CCDC125: variants seen among roughly 807,000 people sequenced by gnomAD.
CCDC125 encodes coiled-coil domain-containing protein 125.
Under a neutral mutation model 57.4 loss-of-function variants are expected in CCDC125, and 43 were observed. The observed-to-expected ratio is 0.75, with a 90% CI of 0.59 to 0.97. The LOEUF (loss-of-function observed/expected upper bound fraction) is 0.97, where lower values mean the gene tolerates loss of function less well. CCDC125 is among the 50% of genes least tolerant of loss of function. The pLI, the probability that CCDC125 is intolerant of heterozygous loss-of-function variation, is 0.00. For synonymous variants in CCDC125, 187 were observed against 195.2 expected (o/e 0.96, Z 0.35); for missense variants, 563 against 595.7 (o/e 0.95, Z 0.57).
At chr5:69,273,147 A>G in the CCDC125 span, 1 of 801,768 alleles carries the variant, frequency 1.2e-6, no homozygotes, top group Non-Finnish European at 1.9e-6. Flanking sequence ...AATACTGGAA[A>G]GATGTGTTTT....
intron 4 of CCDC125, 49 bp downstream of exon 4, chr5:69,311,069 A>G (rs1758051216): frequency 3.2e-6 from 4 of 1,260,434 alleles, no homozygotes; most frequent in Non-Finnish European, 4.6e-6. Flanking sequence ...CCATACCAAC[A>G]TTATTATTGG....
chr5:69,307,803 T>A, intron 5 of CCDC125, 148 bp downstream of exon 5: 1 of 629,090 alleles, frequency 1.6e-6, no homozygotes, highest in South Asian at 1.9e-5. Context: ...TTTTAGATTG[T>A]AAACTCCAAA....
rs1299800505 is a variant in CCDC125, at chr5:69,303,843, T to TTAG, written c.700+3_700+4insCTA. On this transcript the variant is annotated splice_donor_region_variant and intron_variant, in intron 7 of 11. Transcript: ENST00000396496. ...TGTGCTCTTAATACAAAAATCATCATTACCTGCATTGTCAGACTTCAGCAT... is the reference window on the plus strand; with the variant it reads ...TGTGCTCTTAATACAAAAATCATCATTAGTACCTGCATTGTCAGACTTCAGCAT... 6.5e-7 allele frequency: 1 copy of TTAG among 1,543,778 alleles called. No homozygotes were observed. The highest frequency in any genetic ancestry group is 1.4e-5 in the African/African-American group (1 of 73,052).
chr5:69,329,763 A>G (rs913933955), intron 1 of CCDC125, among the ~76,000 whole-genome samples: 2 of 152,062 alleles, frequency 1.3e-5, no homozygotes, highest in African/African-American at 4.8e-5. Flanking sequence ...TCGGCCTCCC[A>G]AAGTGCTGGG....
intron 7 of CCDC125, among the ~76,000 whole-genome samples, chr5:69,300,533 T>G (rs1756222408): frequency 6.6e-6 from 1 of 152,198 alleles, no homozygotes; most frequent in Non-Finnish European, 1.5e-5. Context: ...CAGGTTTTTG[T>G]ATTAGGAGTT....
intron 3 of CCDC125, chr5:69,313,642 C>G: frequency 1.3e-6 from 1 of 741,248 alleles, no homozygotes; most frequent in Non-Finnish European, 2.5e-6. Flanking sequence ...CAATCCTTAT[C>G]CGGTAGCATC....
Position 69,297,804 on chromosome 5 carries a change from TA to T in CCDC125, c.816+2207del, listed in dbSNP as rs990941202. ...CATGAGACCCTGTCTCTACAAAAAA[TA>T]AAAAAAAAACATTAGCTGGGTATGA... On this transcript the variant is annotated intron_variant, in intron 8 of 11. Transcript: ENST00000396496. Among the ~76,000 whole-genome samples the T allele has an allele frequency of 9.7e-5, 14 of 144,230 alleles. No homozygotes were observed. In the East Asian group the frequency reaches 1.3e-3, roughly 13 times the overall value. 94.6% of individuals were successfully genotyped at this position (144,230 alleles called of 152,430 possible).
chr5:69,313,197 G>A (rs1758441788), intron 3 of CCDC125, among the ~76,000 whole-genome samples: 1 of 152,198 alleles, frequency 6.6e-6, no homozygotes, highest in African/African-American at 2.4e-5. Flanking sequence ...AGGGATGGAG[G>A]GAGGAGGAAA....
At position 69,297,611 on chromosome 5, in the gene CCDC125, G is replaced by A. The variant is rs560579001; in HGVS notation, c.816+2401C>T. Among the ~76,000 whole-genome samples, 163 of 151,704 alleles carry A rather than the reference G, an allele frequency of 1.1e-3. 1 individual carries two copies. In the Middle Eastern group the frequency reaches 0.017, roughly 16 times the overall value. On this transcript the variant is annotated intron_variant, in intron 8 of 11. Coordinates refer to ENST00000396496, the MANE Select transcript of CCDC125 (RefSeq NM_176816.5). ...AACCTTAGGTGATCCACCTGCCTCA[G>A]CCCCCGCAAAGTGCTGGGATTACAG... is the stretch of plus-strand genomic sequence containing the variant.
rs1752475592 is a variant in CCDC125 at position 69,281,511 on chromosome 5, C to T, written c.*1218G>A. 6.6e-6 allele frequency: 1 copy of T among 152,314 alleles called. No homozygotes were observed. Among genetic ancestry groups the T allele is most frequent in the Non-Finnish European group, 1.5e-5 (1 of 68,046 alleles). 9.4% of individuals were successfully genotyped at this position (152,314 alleles called of 1,614,324 possible). ...GCACTTTGTAGACTTGGCTACAAATCTGTGCAGATTTGGTTGCAAAATGTT... is the reference window on the plus strand; with the variant it reads ...GCACTTTGTAGACTTGGCTACAAATTTGTGCAGATTTGGTTGCAAAATGTT... On this transcript the variant is annotated 3_prime_UTR_variant, in exon 12 of 12. Coordinates refer to ENST00000396496, the MANE Select transcript of CCDC125 (RefSeq NM_176816.5).
intron 1 of CCDC125, among the ~76,000 whole-genome samples, chr5:69,326,042 G>A (rs561390981): frequency 4.0e-5 from 6 of 151,866 alleles, no homozygotes; most frequent in Non-Finnish European, 7.4e-5. Flanking sequence ...ACAGGGTCTC[G>A]GGCCAGCCAG....
chr5:69,315,460 AAC>A (rs1485576574), intron 2 of CCDC125, among the ~76,000 whole-genome samples: 119 of 9,348 alleles, frequency 0.013, 3 homozygotes, highest in African/African-American at 0.019. Context: ...CAAAAAAAAA[AAC>A]AAAAAAAAAA....
chr5:69,320,358 T>C lies in CCDC125; in HGVS notation c.183A>G (p.Pro61=). 6.2e-7 allele frequency: 1 copy of C among 1,613,972 alleles called. No homozygotes were observed. The highest frequency in any genetic ancestry group is 8.5e-7 in the Non-Finnish European group (1 of 1,179,864). The change falls in exon 2 of 12, where the codon CCA becomes CCG. Residue 61 remains proline (P), a synonymous_variant. Coordinates refer to ENST00000396496, the MANE Select transcript of CCDC125 (RefSeq NM_176816.5). ...RSDGKNFSPP[P]FPRKGEERNE... ...TTCTTTCTTCTCCCTTTCTCGGAAA[T>C]GGAGGAGGGCTAAAGTTCTTTCCAT... is the stretch of plus-strand genomic sequence containing the variant.
intron 2 of CCDC125, among the ~76,000 whole-genome samples, chr5:69,318,215 C>G (rs1186233784): frequency 6.6e-6 from 1 of 151,362 alleles, no homozygotes; most frequent in Non-Finnish European, 1.5e-5. Context: ...CTCCTGACCT[C>G]ATGATCCACC....
At chr5:69,316,806 C>T (rs1009667956) in intron 2 of CCDC125, among the ~76,000 whole-genome samples, 8 of 152,026 alleles carry the variant, frequency 5.3e-5, no homozygotes, top group African/African-American at 9.7e-5. Context: ...AGCTACCAGA[C>T]GTAGCCTGTT....
chr5:69,301,384 A>G (rs995566999), intron 7 of CCDC125, among the ~76,000 whole-genome samples: 11 of 152,150 alleles, frequency 7.2e-5, no homozygotes, highest in African/African-American at 2.7e-4. Context: ...CTGTAATCCC[A>G]GCACTTTTGG....
chr5:69,289,534 C>T (rs1017190835), intron 10 of CCDC125, among the ~76,000 whole-genome samples: 1 of 152,090 alleles, frequency 6.6e-6, no homozygotes, highest in Non-Finnish European at 1.5e-5. Flanking sequence ...AGAAAATGAC[C>T]ATATTATCTA....
At chr5:69,313,422 T>G in intron 3 of CCDC125, 1 of 1,524,238 alleles carries the variant, frequency 6.6e-7, no homozygotes, top group Non-Finnish European at 9.1e-7. Flanking sequence ...CCAGCTTCTC[T>G]GCCAGGGTGC....
downstream of CCDC125, chr5:69,277,476 A>C (rs1409448546): frequency 5.5e-6 from 1 of 182,576 alleles, no homozygotes; most frequent in Non-Finnish European, 1.1e-5. Flanking sequence ...AGTGTTTAAA[A>C]ATAAAAATGT....
Sources: allele counts gnomAD v4.1 joint callset (sites outside exome capture counted in the v4.1 genomes callset), GRCh38; gene constraint gnomAD v4.1.1; transcripts MANE v1.5; gene names NCBI Gene and HGNC (gene_info 2026-07-23, HGNC 2026-07-21).